Variants in THRA observed in about 807,000 individuals in gnomAD.
THRA encodes the protein EAR-7.
Under a neutral mutation model 45.0 loss-of-function variants are expected in THRA, and 13 were observed. The observed-to-expected ratio is 0.29, with a 90% CI of 0.19 to 0.46. The LOEUF is 0.46. THRA is among the 20% of genes least tolerant of loss of function. The probability of loss-of-function intolerance (pLI) is 1.00; values close to 1 mark genes in which losing one functional copy is unlikely to be tolerated. For synonymous variants in THRA, 195 were observed against 214.0 expected, an observed-to-expected ratio of 0.91 and a Z score of 0.78; for missense variants, 278 against 556.1, an observed-to-expected ratio of 0.50 and a Z score of 5.03.
At chr17:40,084,964 C>T in intron 6 of THRA, 149 bp downstream of exon 6, 1 of 890,672 alleles carries the variant, frequency 1.1e-6, no homozygotes, top group Admixed American at 2.6e-5. Context: ...AGATTTTATA[C>T]ACTTGTGTTT....
intron 3 of THRA, among the ~76,000 whole-genome samples, 167 bp downstream of exon 3, chr17:40,077,105 G>A (rs1248152033): frequency 6.6e-6 from 1 of 152,146 alleles, no homozygotes; most frequent in Non-Finnish European, 1.5e-5. Flanking sequence ...AATGTGGGAT[G>A]TGCCCAGCTT....
In THRA at chr17:40,088,492, T is replaced by C; in HGVS notation, c.974T>C (p.Met325Thr). Residue 325 changes from methionine to threonine, a missense_variant, in exon 8 of 9, where the codon ATG becomes ACG. Met to Thr is a moderately conservative substitution (Grantham distance 81). Coordinates refer to ENST00000450525, the MANE Select transcript of THRA (RefSeq NM_199334.5). ...EVALLQAVLLMSTDRSGLLCV... is the reference protein window; with the variant it reads ...EVALLQAVLLTSTDRSGLLCV... ...GCTCTGCTGCAGGCTGTGCTGCTAA[T>C]GTCAACAGGTACCTGCTGATTAGTC... The C allele has an allele frequency of 1.9e-6, 3 of 1,612,404 alleles. No individual in the cohort carries two copies. The highest frequency in any genetic ancestry group is 2.5e-6 in the Non-Finnish European group (3 of 1,178,708).
In THRA at chr17:40,083,815, C is replaced by T. The variant is rs371611041; in HGVS notation, c.223-20C>T. 2 of 1,582,968 alleles carry T rather than the reference C, an allele frequency of 1.3e-6. No homozygotes were observed. The highest frequency in any genetic ancestry group is 1.3e-5 in the African/African-American group (1 of 74,206). ...GAAGCCATGTCATGATCACAGCCTG[C>T]TCCATCTCCCCCACCCCAGGGCTTC... On this transcript the variant is annotated intron_variant, in intron 4 of 8. Coordinates refer to ENST00000450525, the MANE Select transcript of THRA (RefSeq NM_199334.5).
chr17:40,062,826 A>C, upstream of THRA: 1 of 140,308 alleles, frequency 7.1e-6, no homozygotes, highest in Non-Finnish European at 1.6e-5. Context: ...GCCTGCAGGG[A>C]GCAGCCGCGA....
At chr17:40,071,325 T>C (rs980656865) in intron 1 of THRA, among the ~76,000 whole-genome samples, 5 of 152,180 alleles carry the variant, frequency 3.3e-5, no homozygotes, top group Admixed American at 2.6e-4. Flanking sequence ...CCAGGAGTCC[T>C]TTGGGGGTGT....
At chr17:40,069,565 G>T (rs1036143541) in intron 1 of THRA, among the ~76,000 whole-genome samples, 4 of 152,056 alleles carry the variant, frequency 2.6e-5, no homozygotes, top group Non-Finnish European at 5.9e-5. Context: ...AGCTGCCCCA[G>T]CTCCCAGCTC....
downstream of THRA, chr17:40,093,485 A>C: frequency 1.4e-6 from 2 of 1,469,236 alleles, no homozygotes; most frequent in Non-Finnish European, 1.8e-6. This position sits in a 1 kb window ranked among gnomAD's most constrained non-coding sequence, Gnocchi z 5.9. Context: ...GCGTGGGCTC[A>C]GCAGGGCTGG....
At chr17:40,079,921 G>T (rs1169730611) in intron 4 of THRA, among the ~76,000 whole-genome samples, 2 of 152,030 alleles carry the variant, frequency 1.3e-5, no homozygotes, top group Non-Finnish European at 2.9e-5. Context: ...ACCAAAATTG[G>T]CCAGGTGTAG....
chr17:40,093,510 G>A (rs1191534499), downstream of THRA: 271 of 1,383,272 alleles, frequency 2.0e-4, 1 homozygote, highest in Admixed American at 8.8e-4. The surrounding 1 kb of genome is among the most constrained non-coding windows in gnomAD (Gnocchi z 5.9). Flanking sequence ...CTCCCATCCC[G>A]TAAGACCACC....
chr17:40,089,787 A>T lies in THRA; in HGVS notation c.*331A>T. ...GGACAAGCCACCTTGACCGTAGGGG[A>T]AGGAGGAATGTGGGCTGGGGGAAGA... On this transcript the variant is annotated 3_prime_UTR_variant, in exon 9 of 9. Coordinates refer to ENST00000450525, the MANE Select transcript of THRA (RefSeq NM_199334.5). This position sits in a 1 kb window ranked among gnomAD's most constrained non-coding sequence, Gnocchi z 6.1. 8.6e-7 allele frequency: 1 copy of T among 1,165,592 alleles called. No homozygotes were observed. The highest frequency in any genetic ancestry group is 1.1e-6 in the Non-Finnish European group (1 of 936,716). 72.2% of individuals were successfully genotyped at this position (1,165,592 alleles called of 1,614,324 possible).
chr17:40,082,495 G>A (rs1987175738), intron 4 of THRA, among the ~76,000 whole-genome samples: 2 of 151,306 alleles, frequency 1.3e-5, no homozygotes, highest in Admixed American at 1.3e-4. Flanking sequence ...TCAGCCTCCC[G>A]AGTAGCTGGG....
intron 2 of THRA, among the ~76,000 whole-genome samples, chr17:40,076,411 G>A (rs1303726129): frequency 6.6e-6 from 1 of 152,176 alleles, no homozygotes; most frequent in Non-Finnish European, 1.5e-5. Flanking sequence ...AATTTCACAG[G>A]TATGTTGGCC....
In THRA at chr17:40,090,061, G is replaced by T; in HGVS notation, c.*605G>T. On this transcript the variant is annotated 3_prime_UTR_variant, in exon 9 of 9. Coordinates refer to ENST00000450525, the MANE Select transcript of THRA (RefSeq NM_199334.5). ...GAGAAAAATACAAAAAAGAGAGAGC[G>T]AGCGATAGAGAGAGATGATATTAAG... 1.0e-6 allele frequency: 1 copy of T among 981,048 alleles called. No individual in the cohort carries two copies. The highest frequency in any genetic ancestry group is 1.2e-6 in the Non-Finnish European group (1 of 825,428). 60.8% of individuals were successfully genotyped at this position (981,048 alleles called of 1,614,324 possible). A position where few individuals can be genotyped will look rare whatever the true frequency, so the allele number is the denominator to read the frequency against.
rs1382477882 is a variant in THRA at position 40,088,599 on chromosome 17, C to G, written c.982+99C>G. The G allele has an allele frequency of 7.6e-6, 11 of 1,449,370 alleles. No homozygotes were observed. The East Asian group carries it at 2.5e-4, about 33-fold the overall frequency. The allele number at this position is 1,449,370 out of a possible 1,614,324, so 89.8% of individuals were successfully genotyped here. On this transcript the variant is annotated intron_variant, in intron 8 of 8. Coordinates refer to ENST00000450525, the MANE Select transcript of THRA (RefSeq NM_199334.5). ...GCTCAACTCCCTCCTGAATCTTCTTCTGGGCTACCTCTCTGTCACCTGGGC... is the reference window on the plus strand; with the variant it reads ...GCTCAACTCCCTCCTGAATCTTCTTGTGGGCTACCTCTCTGTCACCTGGGC...
chr17:40,087,720 G>A (rs1052056656), intron 7 of THRA, among the ~76,000 whole-genome samples: 1 of 152,208 alleles, frequency 6.6e-6, no homozygotes, highest in African/African-American at 2.4e-5. Flanking sequence ...CCCATCTGGA[G>A]TGGGCTGGGG....
At chr17:40,087,004 A>ACACACC in intron 7 of THRA, 151 bp downstream of exon 7, 1 of 962,236 alleles carries the variant, frequency 1.0e-6, no homozygotes, top group African/African-American at 1.6e-5. Flanking sequence ...ACACACACAC[A>ACACACC]CACATGCATA....
chr17:40,089,511 G>A lies in THRA; in HGVS notation c.*55G>A. 1 of 1,591,052 alleles carries A rather than the reference G, an allele frequency of 6.3e-7. No homozygotes were observed. The highest frequency in any genetic ancestry group is 1.1e-5 in the South Asian group (1 of 87,916). On this transcript the variant is annotated 3_prime_UTR_variant, in exon 9 of 9. Coordinates refer to ENST00000450525, the MANE Select transcript of THRA (RefSeq NM_199334.5). This position sits in a 1 kb window ranked among gnomAD's most constrained non-coding sequence, Gnocchi z 6.1. Reference sequence around the variant, plus strand: ...CTGGTGGGGAGGAGCCTGGAGAGAAGGGGCAGAGCTGGGGGCTGAGGGAGA... The same window carrying A: ...CTGGTGGGGAGGAGCCTGGAGAGAAAGGGCAGAGCTGGGGGCTGAGGGAGA...
chr17:40,074,721 T>C (rs371486606), intron 2 of THRA, among the ~76,000 whole-genome samples, 180 bp downstream of exon 2: 4 of 152,312 alleles, frequency 2.6e-5, no homozygotes, highest in African/African-American at 9.6e-5. Context: ...GGCACTTGGA[T>C]TGAGAGATGC....
chr17:40,083,357 G>A (rs189132612), intron 4 of THRA, among the ~76,000 whole-genome samples: 1 of 152,284 alleles, frequency 6.6e-6, no homozygotes, highest in East Asian at 1.9e-4. Context: ...ATGAGCCACT[G>A]CACCCAACCT....
Sources: gnomAD v4.1 joint callset for allele counts (sites outside exome capture counted in the v4.1 genomes callset) on GRCh38, gnomAD v4.1.1 for gene constraint, Gnocchi (gnomAD v3.1) non-coding constraint, MANE v1.5 for transcripts, NCBI Gene and HGNC (gene_info 2026-07-23, HGNC 2026-07-21) for gene names.